The following ETNK1 variants were observed in gnomAD, a reference collection of about 807,000 sequenced individuals.
ETNK1 encodes ethanolamine kinase 1, also known as putative protein product of Nbla10396.
Under a neutral mutation model 45.1 loss-of-function variants are expected in ETNK1, and 8 were observed. That is an observed-to-expected ratio of 0.18 (90% confidence interval 0.10 to 0.32). ETNK1 has a LOEUF of 0.32. Ranked by LOEUF, ETNK1 falls within the 10% of genes least tolerant of loss-of-function variation. The pLI, the probability that ETNK1 is intolerant of heterozygous loss-of-function variation, is 1.00. For missense variants in ETNK1, 302 were observed against 430.6 expected (o/e 0.70, Z 2.64); for synonymous variants, 152 against 151.9 (o/e 1.00, Z -0.01).
intron 1 of ETNK1, among the ~76,000 whole-genome samples, chr12:22,632,657 C>T (rs1303067646): frequency 6.6e-6 from 1 of 151,946 alleles, no homozygotes. Flanking sequence ...ACTAAAGGTG[C>T]ATGCCTGCCT....
At chr12:22,679,249 C>T (rs911899596) in intron 6 of ETNK1, among the ~76,000 whole-genome samples, 9 of 152,314 alleles carry the variant, frequency 5.9e-5, no homozygotes, top group South Asian at 2.1e-4. Context: ...GCCCAAGAGC[C>T]CCCTGGCAAA....
At chr12:22,684,396 G>A (rs1297587134) in intron 6 of ETNK1, 87 bp from the exon 7 acceptor site, 1 of 889,112 alleles carries the variant, frequency 1.1e-6, no homozygotes, top group Non-Finnish European at 1.8e-6. Context: ...GCATGGAGTT[G>A]ATTTAGAGGA....
chr12:22,686,855 T>TTTA lies in ETNK1; in HGVS notation c.*1903_*1904insATT, dbSNP rs1213932673. ...AAAGAATGTGTAATACTCTTAATTT[T>TTTA]TTTTTTTTTTTTTTTTTTTTTTTTG... On this transcript the variant is annotated 3_prime_UTR_variant, in exon 8 of 8. Transcript: ENST00000266517. 2 of 139,890 alleles carry TTTA rather than the reference T, an allele frequency of 1.4e-5. No homozygotes were observed. The highest frequency in any genetic ancestry group is 3.1e-5 in the Non-Finnish European group (2 of 63,982). 8.7% of individuals were successfully genotyped at this position (139,890 alleles called of 1,614,324 possible).
chr12:22,678,726 T>C (rs900314702), intron 6 of ETNK1, among the ~76,000 whole-genome samples: 1 of 152,204 alleles, frequency 6.6e-6, no homozygotes, highest in African/African-American at 2.4e-5. Flanking sequence ...TTGACCAACA[T>C]AGGAGAGATC....
chr12:22,662,088 A>C (rs112612166), intron 4 of ETNK1, among the ~76,000 whole-genome samples: 4,376 of 116,676 alleles, frequency 0.038, 312 homozygotes, highest in African/African-American at 0.14. Flanking sequence ...CTTTTTTGAG[A>C]TGGAGTTTCA....
intron 1 of ETNK1, among the ~76,000 whole-genome samples, chr12:22,642,847 T>G (rs1456316951): frequency 1.3e-5 from 2 of 152,058 alleles, no homozygotes; most frequent in African/African-American, 4.8e-5. Flanking sequence ...AGTGAAGTGT[T>G]AGTTCTAGTG....
At chr12:22,671,066 C>G in intron 4 of ETNK1, 1 of 475,334 alleles carries the variant, frequency 2.1e-6, no homozygotes, top group Non-Finnish European at 3.7e-6. Flanking sequence ...TATAAAGAAG[C>G]TGTTGACCAA....
In ETNK1 at chr12:22,643,896, T is replaced by A; in HGVS notation, c.290T>A (p.Phe97Tyr). The A allele has an allele frequency of 1.2e-6, 2 of 1,613,532 alleles. No homozygotes were observed. Among genetic ancestry groups the A allele is most frequent in the Non-Finnish European group, 1.7e-6 (2 of 1,179,570 alleles). Residue 97 changes from phenylalanine (F) to tyrosine (Y), a missense_variant, in exon 2 of 8, where the codon TTT (phenylalanine) becomes TAT (tyrosine). Coordinates refer to ENST00000266517, the MANE Select transcript of ETNK1 (RefSeq NM_018638.5). ...LVDRDEEVKS[F>Y]RVLQAHGCAP... ...GATCGAGATGAGGAAGTAAAGAGTT[T>A]TCGAGTGTTGCAGGCTCATGGGTGT...
At chr12:22,662,097 C>T (rs1197188140) in intron 4 of ETNK1, among the ~76,000 whole-genome samples, 4 of 128,594 alleles carry the variant, frequency 3.1e-5, no homozygotes, top group Admixed American at 2.4e-4. Context: ...GATGGAGTTT[C>T]ACTCTTGTCA....
At chr12:22,630,900 C>T (rs760540724) in intron 1 of ETNK1, among the ~76,000 whole-genome samples, 4 of 151,990 alleles carry the variant, frequency 2.6e-5, no homozygotes, top group East Asian at 2.0e-4. Context: ...CATGAGCCAC[C>T]GCACCTGGCC....
At chr12:22,675,964 T>A (rs1347500307) in intron 6 of ETNK1, among the ~76,000 whole-genome samples, 1 of 152,196 alleles carries the variant, frequency 6.6e-6, no homozygotes, top group Non-Finnish European at 1.5e-5. Flanking sequence ...TTTCTAGTTC[T>A]TCCTCATTAA....
At position 22,687,810 on chromosome 12, in the gene ETNK1, T is replaced by C. The variant is rs142855454; in HGVS notation, c.*2856T>C. 7.2e-5 allele frequency: 11 copies of C among 152,452 alleles called. No individual in the cohort carries two copies. The East Asian group carries it at 1.7e-3, about 24-fold the overall frequency. 9.4% of individuals were successfully genotyped at this position (152,452 alleles called of 1,614,324 possible). On this transcript the variant is annotated 3_prime_UTR_variant, in exon 8 of 8. Transcript: ENST00000266517. ...GTATTGTTTTGCATTCTCTTCCCTT[T>C]TGTAGAAATTTTTCTGTAAGGAAAT... is the stretch of plus-strand genomic sequence containing the variant.
chr12:22,664,881 C>T (rs927812077), intron 4 of ETNK1, among the ~76,000 whole-genome samples: 3 of 152,014 alleles, frequency 2.0e-5, no homozygotes, highest in African/African-American at 7.3e-5. Context: ...AGGGGACTGG[C>T]CTTGGAATCA....
chr12:22,656,499 A>G (rs959085779), intron 2 of ETNK1: 62 of 985,270 alleles, frequency 6.3e-5, no homozygotes, highest in Non-Finnish European at 7.4e-5. Flanking sequence ...TAACTGCAGC[A>G]CTTGGATGAC....
intron 2 of ETNK1, among the ~76,000 whole-genome samples, chr12:22,652,706 G>A (rs1282397052): frequency 6.6e-6 from 1 of 152,080 alleles, no homozygotes. Context: ...TTGTTGTTGA[G>A]TTGTGGGAGT....
At chr12:22,632,142 C>T (rs1443633091) in intron 1 of ETNK1, among the ~76,000 whole-genome samples, 1 of 150,712 alleles carries the variant, frequency 6.6e-6, no homozygotes, top group East Asian at 1.9e-4. Flanking sequence ...AAAATAAGTA[C>T]TCTGAGAAAA....
intron 5 of ETNK1, 106 bp downstream of exon 5, chr12:22,671,461 G>A (rs757695951): frequency 4.2e-5 from 33 of 785,616 alleles, no homozygotes; most frequent in South Asian, 3.2e-4. Context: ...ATTTTCCCAC[G>A]TGTTGTTGAC....
intron 2 of ETNK1, 159 bp downstream of exon 2, chr12:22,644,181 A>G: frequency 6.4e-7 from 1 of 1,554,586 alleles, no homozygotes; most frequent in Non-Finnish European, 8.7e-7. Flanking sequence ...TTCCCTAAAA[A>G]GATAGAAGTA....
chr12:22,669,196 T>C (rs1954081947), intron 4 of ETNK1, among the ~76,000 whole-genome samples: 1 of 150,764 alleles, frequency 6.6e-6, no homozygotes, highest in South Asian at 2.1e-4. Flanking sequence ...GGCTGGTGGA[T>C]AGGTATCTCT....
Sources: gnomAD v4.1 joint callset for allele counts (sites outside exome capture counted in the v4.1 genomes callset) on GRCh38, gnomAD v4.1.1 for gene constraint, MANE v1.5 for transcripts, NCBI Gene and HGNC (gene_info 2026-07-23, HGNC 2026-07-21) for gene names.